Variants in OXGR1 observed in about 807,000 individuals in gnomAD.
The protein encoded by OXGR1 is oxoglutarate receptor 1, also known as 2-oxoglutarate receptor 1.
In OXGR1, 10 loss-of-function variants were observed where a neutral mutation model predicts 10.0. The observed-to-expected ratio is 1.00, with a 90% confidence interval of 0.62 to 1.70. The LOEUF is 1.70. Among genes scored for constraint, OXGR1 ranks in the 40% most tolerant of loss-of-function variants. The probability of loss-of-function intolerance (pLI) is 0.00; values close to 1 mark genes in which losing one functional copy is unlikely to be tolerated. For missense variants in OXGR1, 398 were observed against 407.6 expected (o/e 0.98, Z 0.20); for synonymous variants, 191 against 155.9 (o/e 1.22, Z -1.68).
chr13:96,990,135 C>T lies in OXGR1; in HGVS notation c.-126-326G>A, dbSNP rs1881980512. Reference sequence around the variant, plus strand: ...GGTCATAGGAGTCAGGGACTGCTGACCAGTGAGAGTGCTCTGAAGCCAGGC... The same window carrying T: ...GGTCATAGGAGTCAGGGACTGCTGATCAGTGAGAGTGCTCTGAAGCCAGGC... On this transcript the variant is annotated intron_variant, in intron 2 of 3. Transcript: ENST00000541038. Among the ~76,000 whole-genome samples the T allele has an allele frequency of 2.0e-5, 3 of 152,236 alleles. No individual in the cohort carries two copies. The South Asian group carries it at 6.2e-4, about 32-fold the overall frequency.
chr13:96,989,901 T>C (rs145997118), intron 2 of OXGR1, 92 bp from the exon 3 acceptor site: 22 of 152,326 alleles, frequency 1.4e-4, no homozygotes, highest in African/African-American at 5.3e-4. Context: ...AGTTGTCCCT[T>C]AGTATCTGCA....
rs570756439 is a variant in OXGR1, at chr13:96,986,692, A to T, written c.*54T>A. ...AGGGAGACATCCTGAACATCTTAGG[A>T]TGCTAGGTAAAGTATCAGCAAGTAT... On this transcript the variant is annotated 3_prime_UTR_variant, in exon 4 of 4. Coordinates refer to ENST00000541038, the MANE Select transcript of OXGR1 (RefSeq NM_001346194.2). The T allele has an allele frequency of 4.9e-4, 748 of 1,527,868 alleles. No homozygotes were observed. The highest frequency in any genetic ancestry group is 6.0e-4 in the Non-Finnish European group (678 of 1,138,716). The allele number at this position is 1,527,868 out of a possible 1,614,324, so 94.6% of individuals were successfully genotyped here. A position where few individuals can be genotyped will look rare whatever the true frequency, so the allele number is the denominator to read the frequency against.
rs753052008 is a variant in OXGR1 at position 96,987,253 on chromosome 13, G to T, written c.507C>A (p.Thr169=). ...IISLVAVIPM[T]FLITSTNRTN... ...TCCTGTTGGTTGATGTGATCAAGAA[G>T]GTCATCGGAATGACAGCTACCAGTG... Residue 169 remains threonine, a synonymous_variant, in exon 4 of 4, where the codon ACC becomes ACA. Coordinates refer to ENST00000541038, the MANE Select transcript of OXGR1 (RefSeq NM_001346194.2). 6.2e-7 allele frequency: 1 copy of T among 1,614,186 alleles called. No individual in the cohort carries two copies. The highest frequency in any genetic ancestry group is 1.1e-5 in the South Asian group (1 of 91,088).
chr13:96,987,967 A>C, intron 3 of OXGR1, 134 bp from the exon 4 acceptor site: 1 of 492,422 alleles, frequency 2.0e-6, no homozygotes, highest in South Asian at 8.7e-5. Flanking sequence ...TGTGGAGAAG[A>C]AATTGAATTT....
intron 2 of OXGR1, among the ~76,000 whole-genome samples, chr13:96,990,854 C>T (rs1882017335): frequency 6.8e-6 from 1 of 146,752 alleles, no homozygotes; most frequent in Non-Finnish European, 1.5e-5. Flanking sequence ...GAGGCTGAGG[C>T]ACGAGAATCG....
intron 3 of OXGR1, among the ~76,000 whole-genome samples, chr13:96,988,562 G>A (rs975581689): frequency 6.6e-6 from 1 of 152,146 alleles, no homozygotes; most frequent in Non-Finnish European, 1.5e-5. Context: ...CCTTTTAATA[G>A]CTAACATAAT....
In OXGR1 at chr13:96,986,894, G is replaced by C. The variant is rs767297818; in HGVS notation, c.866C>G (p.Pro289Arg). 6.2e-7 allele frequency: 1 copy of C among 1,614,148 alleles called. No individual in the cohort carries two copies. The highest frequency in any genetic ancestry group is 8.5e-7 in the Non-Finnish European group (1 of 1,180,038). Residue 289 changes from proline to arginine, a missense_variant, in exon 4 of 4, where the codon CCA (proline) becomes CGA (arginine). Transcript: ENST00000541038. ...QIHEAYIVSR[P>R]LAALNTFGNL... ...ACCAAAGGTGTTCAGAGCAGCTAAT[G>C]GTCTAGAAACGATGTAAGCTTCATG...
Position 96,987,285 on chromosome 13 carries a change from T to C in OXGR1, c.475A>G (p.Ile159Val), listed in dbSNP as rs1382692799. 1 of 1,614,206 alleles carries C rather than the reference T, an allele frequency of 6.2e-7. No homozygotes were observed. The highest frequency in any genetic ancestry group is 1.7e-5 in the Admixed American group (1 of 60,016). The change falls in exon 4 of 4, where the codon ATC (isoleucine) becomes GTC (valine). Residue 159 changes from isoleucine to valine, a missense_variant. Physicochemically the swap from Ile to Val is conservative, Grantham distance 29. Transcript: ENST00000541038. ...CAVVACAVVW[I>V]ISLVAVIPMT... is the part of the protein sequence containing the mutation. ...GGAATGACAGCTACCAGTGAAATGA[T>C]CCACACCACAGCACAGGCTACAACT...
At chr13:96,990,823 C>G (rs1277483655) in intron 2 of OXGR1, among the ~76,000 whole-genome samples, 1 of 151,776 alleles carries the variant, frequency 6.6e-6, no homozygotes, top group Non-Finnish European at 1.5e-5. Context: ...GTGGCCCATG[C>G]CTATAGTCCC....
Position 96,987,354 on chromosome 13 carries a change from T to G in OXGR1, c.406A>C (p.Ile136Leu). ...CFSIFRYCVIIHPMSCFSIHK... is the reference protein window; with the variant it reads ...CFSIFRYCVILHPMSCFSIHK... Reference sequence around the variant, plus strand: ...ATGGAAAAGCAGCTCATTGGGTGAATGATCACACAGTAGCGGAAGATGCTG... The same window carrying G: ...ATGGAAAAGCAGCTCATTGGGTGAAGGATCACACAGTAGCGGAAGATGCTG... Residue 136 changes from isoleucine to leucine, a missense_variant, in exon 4 of 4, where the codon ATT becomes CTT. By Grantham distance (5) the Ile-to-Leu change is conservative (BLOSUM62 2). Transcript: ENST00000541038. 6.2e-7 allele frequency: 1 copy of G among 1,614,178 alleles called. No individual in the cohort carries two copies.
In OXGR1 at chr13:96,986,996, A is replaced by G. The variant is rs1003295918; in HGVS notation, c.764T>C (p.Leu255Ser). 8.7e-6 allele frequency: 14 copies of G among 1,614,102 alleles called. No homozygotes were observed. Among genetic ancestry groups the G allele is most frequent in the Non-Finnish European group, 1.1e-5 (13 of 1,180,046 alleles). ...LLLLAFYVCF[L>S]PFHILRVIRI... ...AATGACCCTCAAGATATGGAAGGGTAAAAAACATACGTAAAATGCAAGGAG... is the reference window on the plus strand; with the variant it reads ...AATGACCCTCAAGATATGGAAGGGTGAAAAACATACGTAAAATGCAAGGAG... The change falls in exon 4 of 4, where the codon TTA (leucine) becomes TCA (serine). Residue 255 changes from leucine (L) to serine (S), a missense_variant. Physicochemically the swap from Leu to Ser is moderately radical, Grantham distance 145. Transcript: ENST00000541038.
At position 96,987,051 on chromosome 13, in the gene OXGR1, G is replaced by C. The variant is rs748453863; in HGVS notation, c.709C>G (p.Gln237Glu). 11 of 1,614,100 alleles carry C rather than the reference G, an allele frequency of 6.8e-6. 1 individual carries two copies. Residue 237 changes from glutamine (Q) to glutamate (E), a missense_variant, in exon 4 of 4, where the codon CAG becomes GAG. Coordinates refer to ENST00000541038, the MANE Select transcript of OXGR1 (RefSeq NM_001346194.2). ...HGLQTDSCLKQKARRLTILLL... is the reference protein window; with the variant it reads ...HGLQTDSCLKEKARRLTILLL... ...AGAATGGTTAGCCTTCGTGCTTTCT[G>C]CTTAAGGCAGCTGTCAGTTTGCAGT...
At chr13:96,991,217 C>T (rs985854971) in intron 2 of OXGR1, among the ~76,000 whole-genome samples, 14 of 152,184 alleles carry the variant, frequency 9.2e-5, no homozygotes, top group African/African-American at 3.4e-4. Flanking sequence ...TCCATAAAAC[C>T]TCATAAAAGT....
rs759106033 is a variant in OXGR1, at chr13:96,986,239, T to A, written c.*507A>T. The A allele has an allele frequency of 3.0e-4, 46 of 153,344 alleles. No homozygotes were observed. The highest frequency in any genetic ancestry group is 3.9e-4 in the Admixed American group (6 of 15,418). The allele number at this position is 153,344 out of a possible 1,614,324, so 9.5% of individuals were successfully genotyped here. ...CAGTTTTATAATCTCAAAGTTAAGC[T>A]TGAAGGAAACAAATTGTAGAGCTCT... On this transcript the variant is annotated 3_prime_UTR_variant, in exon 4 of 4. Coordinates refer to ENST00000541038, the MANE Select transcript of OXGR1 (RefSeq NM_001346194.2).
At chr13:96,991,581 G>A (rs542222826) in intron 2 of OXGR1, among the ~76,000 whole-genome samples, 1 of 152,282 alleles carries the variant, frequency 6.6e-6, no homozygotes, top group South Asian at 2.1e-4. Flanking sequence ...GCTAGGTTCA[G>A]CATGAATAAA....
rs765856782 is a variant in OXGR1 at position 96,990,946 on chromosome 13, C to CAAAAAAAAAAAAAAAAAA, written c.-126-1138_-126-1137insTTTTTTTTTTTTTTTTTT. Among the ~76,000 whole-genome samples the CAAAAAAAAAAAAAAAAAA allele has an allele frequency of 1.1e-4, 11 of 97,178 alleles. 1 individual carries two copies. The highest frequency in any genetic ancestry group is 3.3e-4 in the African/African-American group (7 of 21,066). 63.8% of individuals were successfully genotyped at this position (97,178 alleles called of 152,430 possible). A position where few individuals can be genotyped will look rare whatever the true frequency, so the allele number is the denominator to read the frequency against. ...CCTGAGTGACACAGCAAGACTCTTT[C>CAAAAAAAAAAAAAAAAAA]AAAAAAAAAAAAAAAAGCAAGCTTA... is the stretch of plus-strand genomic sequence containing the variant. On this transcript the variant is annotated intron_variant, in intron 2 of 3. Coordinates refer to ENST00000541038, the MANE Select transcript of OXGR1 (RefSeq NM_001346194.2).
chr13:96,988,699 A>G (rs1881909689), intron 3 of OXGR1, among the ~76,000 whole-genome samples: 3 of 152,318 alleles, frequency 2.0e-5, no homozygotes, highest in Middle Eastern at 3.4e-3. Context: ...GCCATTTAGT[A>G]GCGTGTTCCT....
intron 2 of OXGR1, among the ~76,000 whole-genome samples, chr13:96,991,181 G>C (rs891047181): frequency 3.3e-5 from 5 of 152,100 alleles, no homozygotes; most frequent in Non-Finnish European, 7.4e-5. Flanking sequence ...AGGGTGGAGG[G>C]GTTGACTAGG....
chr13:96,988,838 G>A (rs1881917209), intron 3 of OXGR1, among the ~76,000 whole-genome samples: 1 of 152,186 alleles, frequency 6.6e-6, no homozygotes, highest in Non-Finnish European at 1.5e-5. Context: ...TAGAAGAAGA[G>A]TTATAATTAG....
Sources: allele counts gnomAD v4.1 joint callset (sites outside exome capture counted in the v4.1 genomes callset), GRCh38; gene constraint gnomAD v4.1.1; transcripts MANE v1.5; gene names NCBI Gene and HGNC (gene_info 2026-07-23, HGNC 2026-07-21).